SMAP1: variants seen among roughly 807,000 people sequenced by gnomAD.
The protein encoded by SMAP1 is stromal membrane-associated protein 1.
Under a neutral mutation model 58.5 loss-of-function variants are expected in SMAP1, and 24 were observed. The ratio of observed to expected loss-of-function variants is 0.41; its 90% confidence interval spans 0.30 to 0.58. The LOEUF is 0.58. SMAP1 is among the 20% of genes least tolerant of loss of function. SMAP1 has a pLI of 0.29. For synonymous variants in SMAP1, 216 were observed against 196.6 expected (o/e 1.10, Z -0.82); for missense variants, 563 against 566.3 (o/e 0.99, Z 0.06).
chr6:70,731,257 T>C (rs1217424286), intron 1 of SMAP1, among the ~76,000 whole-genome samples: 1 of 152,228 alleles, frequency 6.6e-6, no homozygotes, highest in East Asian at 1.9e-4. Flanking sequence ...ACAAGCAATA[T>C]GTGAAAAAAT....
intron 3 of SMAP1, among the ~76,000 whole-genome samples, chr6:70,757,035 A>T (rs1355149380): frequency 6.6e-6 from 1 of 152,200 alleles, no homozygotes; most frequent in Non-Finnish European, 1.5e-5. Context: ...GTTCATATGG[A>T]ACCAAAAAAG....
intron 6 of SMAP1, among the ~76,000 whole-genome samples, chr6:70,822,131 T>C (rs1769917215): frequency 1.3e-5 from 2 of 152,168 alleles, no homozygotes; most frequent in Admixed American, 1.3e-4. Context: ...TTCCTGAATA[T>C]ATACACTTTG....
chr6:70,795,921 A>AG (rs919912945), intron 5 of SMAP1, among the ~76,000 whole-genome samples: 2 of 151,734 alleles, frequency 1.3e-5, no homozygotes, highest in Non-Finnish European at 2.9e-5. Flanking sequence ...TATTTTTAAT[A>AG]GAGACAGGGT....
intron 2 of SMAP1, among the ~76,000 whole-genome samples, chr6:70,736,823 T>C (rs1765636927): frequency 6.6e-6 from 1 of 152,250 alleles, no homozygotes; most frequent in South Asian, 2.1e-4. Flanking sequence ...TTTCTGATGT[T>C]CTCATCAGTG....
At chr6:70,819,709 T>C (rs1307838156) in intron 6 of SMAP1, among the ~76,000 whole-genome samples, 1 of 152,210 alleles carries the variant, frequency 6.6e-6, no homozygotes, top group African/African-American at 2.4e-5. Context: ...AGTTTTTAAT[T>C]ATAATAGAAT....
At chr6:70,695,262 G>A (rs1250950600) in intron 1 of SMAP1, among the ~76,000 whole-genome samples, 1 of 151,978 alleles carries the variant, frequency 6.6e-6, no homozygotes, top group Non-Finnish European at 1.5e-5. Flanking sequence ...TTCCAAATTG[G>A]ATGCCCTTTC....
chr6:70,677,538 C>T (rs985718845), intron 1 of SMAP1, among the ~76,000 whole-genome samples: 29 of 150,084 alleles, frequency 1.9e-4, no homozygotes, highest in Non-Finnish European at 3.4e-4. Flanking sequence ...TCTGCCTCAG[C>T]CTCCCGAGGA....
At chr6:70,700,333 C>T (rs1767578279) in intron 1 of SMAP1, among the ~76,000 whole-genome samples, 1 of 152,244 alleles carries the variant, frequency 6.6e-6, no homozygotes, top group African/African-American at 2.4e-5. Flanking sequence ...GACAGTCTCA[C>T]TGTCACCCAG....
intron 6 of SMAP1, among the ~76,000 whole-genome samples, chr6:70,801,498 T>C (rs751005110): frequency 1.3e-5 from 2 of 152,220 alleles, no homozygotes; most frequent in Non-Finnish European, 2.9e-5. Context: ...TCTTTTGCCA[T>C]GCAGAAGCTT....
intron 2 of SMAP1, among the ~76,000 whole-genome samples, chr6:70,750,150 T>A (rs1304804603): frequency 6.6e-6 from 1 of 152,200 alleles, no homozygotes; most frequent in Admixed American, 6.5e-5. Flanking sequence ...TATTTCAAGG[T>A]TCTGTTTTCA....
intron 4 of SMAP1, among the ~76,000 whole-genome samples, chr6:70,788,750 G>T (rs1582190848): frequency 6.6e-6 from 1 of 152,174 alleles, no homozygotes; most frequent in Admixed American, 6.5e-5. Context: ...GAAAGAATAG[G>T]GGGATAAGGT....
intron 10 of SMAP1, chr6:70,859,453 C>T: frequency 1.5e-6 from 2 of 1,291,812 alleles, no homozygotes; most frequent in Non-Finnish European, 2.2e-6. Context: ...GACACTTATG[C>T]CTGATTAGTG....
intron 4 of SMAP1, among the ~76,000 whole-genome samples, chr6:70,775,206 A>T (rs1490587158): frequency 2.0e-5 from 3 of 152,158 alleles, no homozygotes; most frequent in African/African-American, 4.8e-5. Flanking sequence ...GGGGGAAAGG[A>T]CTAACTTAAA....
intron 3 of SMAP1, among the ~76,000 whole-genome samples, chr6:70,764,898 C>T (rs1766900988): frequency 6.6e-6 from 1 of 152,174 alleles, no homozygotes; most frequent in South Asian, 2.1e-4. Flanking sequence ...TTTCCAGGCT[C>T]AGGTGATCCT....
chr6:70,834,375 A>AAAAC (rs1770484161), intron 6 of SMAP1, among the ~76,000 whole-genome samples: 1 of 151,618 alleles, frequency 6.6e-6, no homozygotes, highest in Non-Finnish European at 1.5e-5. Context: ...ATACACCAAA[A>AAAAC]AAAAAAAAAA....
chr6:70,683,573 C>A (rs1751560928), intron 1 of SMAP1, among the ~76,000 whole-genome samples: 1 of 152,010 alleles, frequency 6.6e-6, no homozygotes, highest in Non-Finnish European at 1.5e-5. Context: ...CTCTCTTGAC[C>A]AGTCATTGGG....
intron 1 of SMAP1, among the ~76,000 whole-genome samples, chr6:70,673,476 C>T (rs886225348): frequency 2.0e-5 from 3 of 152,144 alleles, no homozygotes. Flanking sequence ...AAAGTAGAAA[C>T]GTGTAGAGCC....
At chr6:70,727,019 G>GT (rs1768820127) in intron 1 of SMAP1, among the ~76,000 whole-genome samples, 1 of 148,938 alleles carries the variant, frequency 6.7e-6, no homozygotes, top group Non-Finnish European at 1.5e-5. Flanking sequence ...TCTTCAAGAT[G>GT]GGGGGGGCAC....
chr6:70,710,074 T>C (rs1767990547), intron 1 of SMAP1, among the ~76,000 whole-genome samples: 1 of 152,194 alleles, frequency 6.6e-6, no homozygotes, highest in Non-Finnish European at 1.5e-5. Flanking sequence ...GTATAGCCTA[T>C]TGCTCCTAGG....
Sources: allele counts gnomAD v4.1 joint callset (sites outside exome capture counted in the v4.1 genomes callset), GRCh38; gene constraint gnomAD v4.1.1; transcripts MANE v1.5; gene names NCBI Gene and HGNC (gene_info 2026-07-23, HGNC 2026-07-21).